The following ARB2A variants were observed in gnomAD, a reference collection of about 807,000 sequenced individuals.
The protein encoded by ARB2A is ARB2 cotranscriptional regulator A.
the ARB2A span, among the ~76,000 whole-genome samples, chr5:93,992,823 AATTAAG>A: frequency 6.6e-5 from 10 of 152,068 alleles, no homozygotes; most frequent in Non-Finnish European, 2.9e-5. Context: ...CTAAAATTTA[AATTAAG>A]ATTAAGAGGT....
chr5:94,061,216 C>T, the ARB2A span, among the ~76,000 whole-genome samples: 162 of 151,966 alleles, frequency 1.1e-3, no homozygotes, highest in African/African-American at 3.6e-3. Context: ...CCAGCCTGGG[C>T]GACAGAGCAA....
At chr5:94,101,514 C>T in the ARB2A span, among the ~76,000 whole-genome samples, 1 of 152,104 alleles carries the variant, frequency 6.6e-6, no homozygotes, top group South Asian at 2.1e-4. Flanking sequence ...GTACTGTTCA[C>T]AACAGTAAAG....
At chr5:93,970,939 G>A in the ARB2A span, among the ~76,000 whole-genome samples, 14 of 152,020 alleles carry the variant, frequency 9.2e-5, no homozygotes, top group Non-Finnish European at 1.6e-4. Flanking sequence ...TGTAAATGAA[G>A]TTTGATATTA....
the ARB2A span, among the ~76,000 whole-genome samples, chr5:93,902,295 C>T: frequency 6.6e-6 from 1 of 151,874 alleles, no homozygotes; most frequent in Non-Finnish European, 1.5e-5. Context: ...GTTTTTAATC[C>T]AAATAAAGTC....
the ARB2A span, among the ~76,000 whole-genome samples, chr5:93,839,091 T>C: frequency 3.9e-5 from 6 of 152,042 alleles, no homozygotes; most frequent in Middle Eastern, 3.2e-3. Flanking sequence ...ATAGGAGTGG[T>C]GAGAGAGAGC....
At chr5:93,637,503 G>T in the ARB2A span, among the ~76,000 whole-genome samples, 1 of 152,126 alleles carries the variant, frequency 6.6e-6, no homozygotes, top group East Asian at 1.9e-4. Context: ...CAATTGCTAG[G>T]TTGTACGTTA....
At chr5:94,052,401 C>T in the ARB2A span, among the ~76,000 whole-genome samples, 3 of 152,164 alleles carry the variant, frequency 2.0e-5, no homozygotes, top group African/African-American at 4.8e-5. Flanking sequence ...TCTTAGTACA[C>T]GATGACTGTC....
At chr5:94,051,133 G>A in the ARB2A span, among the ~76,000 whole-genome samples, 1 of 152,086 alleles carries the variant, frequency 6.6e-6, no homozygotes, top group Non-Finnish European at 1.5e-5. Context: ...CCATGAACAT[G>A]GGCCCAGTCC....
chr5:94,091,224 G>A, the ARB2A span, among the ~76,000 whole-genome samples: 1 of 152,142 alleles, frequency 6.6e-6, no homozygotes, highest in Admixed American at 6.5e-5. Context: ...AAATAAGGTT[G>A]TTTTAAATAG....
At chr5:93,824,326 CA>C in the ARB2A span, 1 of 1,262,078 alleles carries the variant, frequency 7.9e-7, no homozygotes, top group Non-Finnish European at 1.1e-6. Context: ...TCATAGCAAA[CA>C]ACAATTAAAT....
the ARB2A span, among the ~76,000 whole-genome samples, chr5:93,830,299 A>ATATGTG: frequency 2.5e-5 from 1 of 39,662 alleles, no homozygotes; most frequent in Non-Finnish European, 4.4e-5. Context: ...ATGTATATAT[A>ATATGTG]TGTGTGTGTG....
the ARB2A span, among the ~76,000 whole-genome samples, chr5:93,720,520 T>C: frequency 4.6e-5 from 7 of 152,322 alleles, no homozygotes; most frequent in Admixed American, 6.5e-5. Context: ...TTTCCCCCAG[T>C]GGTACTGAAC....
chr5:93,621,031 C>T, the ARB2A span: 1 of 1,611,404 alleles, frequency 6.2e-7, no homozygotes, highest in Non-Finnish European at 8.5e-7. Flanking sequence ...CGCGTCACAG[C>T]CGGCTTCAGG....
chr5:93,970,999 C>T, the ARB2A span, among the ~76,000 whole-genome samples: 5 of 151,642 alleles, frequency 3.3e-5, no homozygotes, highest in South Asian at 2.1e-4. Context: ...GATAAACTTT[C>T]GCTTTTTTTT....
At chr5:93,903,545 T>TC in the ARB2A span, among the ~76,000 whole-genome samples, 1 of 152,198 alleles carries the variant, frequency 6.6e-6, no homozygotes, top group South Asian at 2.1e-4. Context: ...CATGTATTTT[T>TC]CAGTAAATAT....
the ARB2A span, among the ~76,000 whole-genome samples, chr5:94,095,560 A>G: frequency 2.6e-5 from 4 of 151,838 alleles, no homozygotes; most frequent in Non-Finnish European, 4.4e-5. Context: ...TTTTACAAAC[A>G]TTAGACTGCT....
At chr5:93,807,377 C>CCTATAA in the ARB2A span, among the ~76,000 whole-genome samples, 2 of 151,932 alleles carry the variant, frequency 1.3e-5, no homozygotes, top group East Asian at 3.9e-4. Context: ...ATATATTTCA[C>CCTATAA]CTATAATTGA....
the ARB2A span, among the ~76,000 whole-genome samples, chr5:93,691,890 A>G: frequency 6.6e-6 from 1 of 152,208 alleles, no homozygotes; most frequent in Admixed American, 6.5e-5. Context: ...TAAATGAAAG[A>G]ATTTTCAACC....
the ARB2A span, among the ~76,000 whole-genome samples, chr5:93,764,341 A>G: frequency 6.6e-6 from 1 of 152,206 alleles, no homozygotes; most frequent in Non-Finnish European, 1.5e-5. Context: ...AATCAAATAG[A>G]CGCAATAAAA....
Sources: allele counts gnomAD v4.1 joint callset (sites outside exome capture counted in the v4.1 genomes callset), GRCh38; gene constraint gnomAD v4.1.1; transcripts MANE v1.5; gene names NCBI Gene and HGNC (gene_info 2026-07-23, HGNC 2026-07-21).